The following CHL1 variants were observed in gnomAD, a reference collection of about 807,000 sequenced individuals.
CHL1 encodes the protein cell adhesion molecule L1 like, also known as neural cell adhesion molecule L1-like protein.
CHL1 carries 96 observed loss-of-function variants against 141.9 expected under a neutral mutation model. The ratio of observed to expected loss-of-function variants is 0.68; its 90% CI spans 0.57 to 0.80. The LOEUF (loss-of-function observed/expected upper bound fraction) is 0.80. Among genes scored for constraint, CHL1 ranks in the 30% least tolerant of loss-of-function variants. The pLI, the probability that CHL1 is intolerant of heterozygous loss-of-function variation, is 0.00. For synonymous variants in CHL1, 613 were observed against 502.2 expected, an observed-to-expected ratio of 1.22 and a Z score of -2.95; for missense variants, 1,820 against 1,457.2, an observed-to-expected ratio of 1.25 and a Z score of -4.05.
At position 382,527 on chromosome 3, in the gene CHL1, C is replaced by A. The variant is rs372540200; in HGVS notation, c.2032C>A (p.Leu678Met). 1.2e-6 allele frequency: 2 copies of A among 1,613,682 alleles called. No homozygotes were observed. Among genetic ancestry groups the A allele is most frequent in the South Asian group, 1.1e-5 (1 of 91,068 alleles). Residue 678 changes from leucine (L) to methionine (M), a missense_variant, in exon 18 of 28, where the codon CTG becomes ATG. Physicochemically the swap from Leu to Met is conservative, Grantham distance 15. Transcript: ENST00000256509. ...AGAAGAGCCTGGAAGGTGGGAGGAA[C>A]TGACCAGAGTCCAAGGAAAGAAAAC... ...NKEEPGRWEELTRVQGKKTTV... is the reference protein window; with the variant it reads ...NKEEPGRWEEMTRVQGKKTTV...
chr3:330,326 AG>A (rs2125088244), intron 5 of CHL1, among the ~76,000 whole-genome samples: 2 of 152,248 alleles, frequency 1.3e-5, no homozygotes, highest in African/African-American at 4.8e-5. Context: ...TGTTGAATGC[AG>A]TGAAAGCATT....
chr3:215,709 T>A (rs1463505600), intron 1 of CHL1, among the ~76,000 whole-genome samples: 1 of 151,356 alleles, frequency 6.6e-6, no homozygotes. Context: ...GGTTTGCTCT[T>A]TTTTTTTGCA....
chr3:363,378 T>C lies in CHL1; in HGVS notation c.1580T>C (p.Ile527Thr), dbSNP rs748128146. 1 of 1,609,250 alleles carries C rather than the reference T, an allele frequency of 6.2e-7. No homozygotes were observed. ...ACTGCAGTCACAGCCAATTTGGATA[T>C]TAGAAGTATTTTTATTTCACTGTTA... ...GKTAVTANLD[I>T]RNATKLRVSP... The change falls in exon 14 of 28, where the codon ATT becomes ACT. Residue 527 changes from isoleucine (I) to threonine (T), a missense_variant. Transcript: ENST00000256509.
intron 24 of CHL1, among the ~76,000 whole-genome samples, chr3:395,262 T>A (rs887104243): frequency 6.6e-6 from 1 of 152,208 alleles, no homozygotes; most frequent in Non-Finnish European, 1.5e-5. Flanking sequence ...TGGTAGACAT[T>A]ACAGATCTAA....
At chr3:337,259 C>T (rs1401801484) in intron 5 of CHL1, among the ~76,000 whole-genome samples, 3 of 143,730 alleles carry the variant, frequency 2.1e-5, no homozygotes, top group Non-Finnish European at 4.5e-5. Flanking sequence ...GGCACAATCT[C>T]TGCTCACTGC....
Position 340,889 on chromosome 3 carries a change from C to A in CHL1, c.481C>A (p.Pro161Thr). ...ATGCAATCCTCCCAAAGGCCTCCCACCTTTACACATTTATTGGATGAATAT... is the reference window on the plus strand; with the variant it reads ...ATGCAATCCTCCCAAAGGCCTCCCAACTTTACACATTTATTGGATGAATAT... ...LPCNPPKGLP[P>T]LHIYWMNIEL... is the part of the protein sequence containing the mutation. Residue 161 changes from proline (P) to threonine (T), a missense_variant, in exon 6 of 28, where the codon CCT (proline) becomes ACT (threonine). Pro to Thr is a conservative substitution (Grantham distance 38, BLOSUM62 -1). Coordinates refer to ENST00000256509, the MANE Select transcript of CHL1 (RefSeq NM_006614.4). 6.2e-7 allele frequency: 1 copy of A among 1,612,974 alleles called. No homozygotes were observed.
At chr3:347,296 G>A (rs1182109965) in intron 9 of CHL1, among the ~76,000 whole-genome samples, 1 of 152,018 alleles carries the variant, frequency 6.6e-6, no homozygotes, top group Non-Finnish European at 1.5e-5. Context: ...GAGATTATGA[G>A]GTAGTGTATT....
At chr3:371,318 G>C (rs59609259) in intron 15 of CHL1, among the ~76,000 whole-genome samples, 3,147 of 152,220 alleles carry the variant, frequency 0.021, 70 homozygotes, top group African/African-American at 0.057. Context: ...ATTTAGAATA[G>C]TTAACTCTTC....
chr3:361,761 G>T lies in CHL1; in HGVS notation c.1369G>T (p.Ala457Ser). The change falls in exon 13 of 28, where the codon GCT becomes TCT. Residue 457 changes from alanine to serine, a missense_variant. Coordinates refer to ENST00000256509, the MANE Select transcript of CHL1 (RefSeq NM_006614.4). ...TTACGCTACAGTGGTTGGGTACAGT[G>T]CTTTCTTACATTGCGAGTTCTTTGC... ...ENYATVVGYS[A>S]FLHCEFFASP... The T allele has an allele frequency of 6.2e-7, 1 of 1,613,708 alleles. No individual in the cohort carries two copies. The highest frequency in any genetic ancestry group is 8.5e-7 in the Non-Finnish European group (1 of 1,179,674).
intron 16 of CHL1, 140 bp downstream of exon 16, chr3:378,082 A>T (rs1198888811): frequency 1.7e-6 from 1 of 602,272 alleles, no homozygotes. Context: ...AAAAAGCAAC[A>T]CAACTTCAAA....
At chr3:235,233 T>C (rs538562364) in intron 1 of CHL1, among the ~76,000 whole-genome samples, 1 of 152,210 alleles carries the variant, frequency 6.6e-6, no homozygotes. Context: ...AAAGGTGTAC[T>C]GATGCTGCGA....
At chr3:356,532 T>C (rs1703731640) in intron 11 of CHL1, among the ~76,000 whole-genome samples, 1 of 152,160 alleles carries the variant, frequency 6.6e-6, no homozygotes, top group Non-Finnish European at 1.5e-5. Flanking sequence ...GAGTGTGTGC[T>C]ATGGTGTGAT....
intron 26 of CHL1, among the ~76,000 whole-genome samples, chr3:400,422 T>A (rs1160203541): frequency 6.6e-6 from 1 of 152,128 alleles, no homozygotes; most frequent in Non-Finnish European, 1.5e-5. Flanking sequence ...AGATAATCAT[T>A]TGTGTATTGT....
chr3:365,348 A>C (rs4105570), intron 14 of CHL1, among the ~76,000 whole-genome samples: 85,201 of 152,028 alleles, frequency 0.56, 25,963 homozygotes, highest in Middle Eastern at 0.74. Context: ...TCAAACTATC[A>C]CTCCCTGTAA....
chr3:225,941 G>C (rs62228290), intron 1 of CHL1, among the ~76,000 whole-genome samples: 237 of 151,262 alleles, frequency 1.6e-3, no homozygotes, highest in African/African-American at 5.5e-3. Context: ...CCTGGGAGGC[G>C]GAGCTTGCAG....
chr3:283,778 A>T (rs1696874488), intron 2 of CHL1, among the ~76,000 whole-genome samples: 1 of 152,164 alleles, frequency 6.6e-6, no homozygotes, highest in South Asian at 2.1e-4. Flanking sequence ...TCCCAATTGT[A>T]ACAACCAAAA....
intron 3 of CHL1, among the ~76,000 whole-genome samples, chr3:321,595 A>G (rs943447770): frequency 3.9e-5 from 6 of 152,080 alleles, no homozygotes; most frequent in Non-Finnish European, 7.4e-5. Flanking sequence ...TGGCATACAC[A>G]TTTATTCTTC....
chr3:384,020 GTCA>G (rs2125405212), intron 19 of CHL1, 134 bp downstream of exon 19: 1 of 555,338 alleles, frequency 1.8e-6, no homozygotes, highest in East Asian at 2.9e-5. Context: ...TAACTTGTGA[GTCA>G]TCATCACAAA....
At chr3:383,538 A>C (rs1314185647) in intron 18 of CHL1, among the ~76,000 whole-genome samples, 3 of 152,186 alleles carry the variant, frequency 2.0e-5, no homozygotes, top group Admixed American at 6.5e-5. Context: ...CAGTTTTAAA[A>C]ATTTTAAAAG....
Sources: allele counts gnomAD v4.1 joint callset (sites outside exome capture counted in the v4.1 genomes callset), GRCh38; gene constraint gnomAD v4.1.1; transcripts MANE v1.5; gene names NCBI Gene and HGNC (gene_info 2026-07-23, HGNC 2026-07-21).